Variants in EHBP1 observed in about 807,000 individuals in gnomAD.
EHBP1 encodes the protein EH domain binding protein 1, also known as EH domain-binding protein 1.
A neutral mutation model predicts 144.0 loss-of-function variants in EHBP1; 55 were observed. The ratio of observed to expected loss-of-function variants is 0.38; its 90% CI spans 0.31 to 0.48. The LOEUF is 0.48. Among genes scored for constraint, EHBP1 ranks in the 20% least tolerant of loss-of-function variants. The pLI, the probability that EHBP1 is intolerant of heterozygous loss-of-function variation, is 0.98. For synonymous variants in EHBP1, 469 were observed against 472.7 expected, an observed-to-expected ratio of 0.99 and a Z score of 0.10; for missense variants, 1,200 against 1,364.2, an observed-to-expected ratio of 0.88 and a Z score of 1.90.
At chr2:63,025,061 T>A (rs2060916639) in intron 19 of EHBP1, among the ~76,000 whole-genome samples, 2 of 151,962 alleles carry the variant, frequency 1.3e-5, no homozygotes, top group African/African-American at 2.4e-5. Flanking sequence ...GCCAACAAAG[T>A]TTGGTTTTAG....
intron 14 of EHBP1, among the ~76,000 whole-genome samples, chr2:62,958,131 T>C (rs2057809739): frequency 6.6e-6 from 1 of 152,124 alleles, no homozygotes. Context: ...GAATGTAAAA[T>C]GGTACAACCA....
rs2057205273 is a variant in EHBP1, at chr2:62,948,644, C to T, written c.1798C>T (p.Leu600Phe). The T allele has an allele frequency of 6.2e-7, 1 of 1,613,834 alleles. No homozygotes were observed. Reference protein sequence around the residue: ...ESEHQTPDDHLSPSTASPYCR... With the variant: ...ESEHQTPDDHFSPSTASPYCR... ...TGAGCATCAAACTCCTGATGATCAC[C>T]TTAGTCCAAGCACAGCCTCCCCTTA... is the stretch of plus-strand genomic sequence containing the variant. The change falls in exon 13 of 23, where the codon CTT (leucine) becomes TTT (phenylalanine). Residue 600 changes from leucine to phenylalanine, a missense_variant. Transcript: ENST00000431489.
chr2:62,833,492 G>A (rs987977346), intron 7 of EHBP1, among the ~76,000 whole-genome samples: 3 of 152,162 alleles, frequency 2.0e-5, no homozygotes, highest in African/African-American at 2.4e-5. Context: ...AGCTTCAAAC[G>A]ACAAGTTAAC....
At chr2:62,943,317 G>A (rs1202381569) in intron 11 of EHBP1, among the ~76,000 whole-genome samples, 9 of 138,768 alleles carry the variant, frequency 6.5e-5, no homozygotes, top group African/African-American at 2.4e-4. Context: ...CAGAGGTTGC[G>A]ATGAGCCAAG....
intron 5 of EHBP1, among the ~76,000 whole-genome samples, chr2:62,818,600 A>G (rs2045623638): frequency 6.6e-6 from 1 of 152,188 alleles, no homozygotes; most frequent in Non-Finnish European, 1.5e-5. Flanking sequence ...TTAACTGCTT[A>G]TATCAGCAAA....
chr2:62,767,907 C>T (rs113323220), intron 4 of EHBP1, among the ~76,000 whole-genome samples: 1 of 149,800 alleles, frequency 6.7e-6, no homozygotes, highest in East Asian at 2.0e-4. Flanking sequence ...AATTAAACAT[C>T]ATGCTCTGGA....
At position 62,993,857 on chromosome 2, in the gene EHBP1, CTT is replaced by C. The variant is rs35278236; in HGVS notation, c.2873-5_2873-4del. The C allele has an allele frequency of 9.3e-6, 12 of 1,290,906 alleles. No individual in the cohort carries two copies. Among genetic ancestry groups the C allele is most frequent in the South Asian group, 3.1e-5 (2 of 63,912 alleles). The allele number at this position is 1,290,906 out of a possible 1,614,324, so 80.0% of individuals were successfully genotyped here. ...TACAATAATTTTACATGTCTTTCCTCTTTTTTTTTTAAGAGATGAAAAGGCAG... is the reference window on the plus strand; with the variant it reads ...TACAATAATTTTACATGTCTTTCCTCTTTTTTTTAAGAGATGAAAAGGCAG... On this transcript the variant is annotated splice_polypyrimidine_tract_variant and intron_variant, in intron 17 of 22. Coordinates refer to ENST00000431489, the MANE Select transcript of EHBP1 (RefSeq NM_001142616.3).
At chr2:62,893,553 A>T (rs1334030107) in intron 10 of EHBP1, among the ~76,000 whole-genome samples, 1 of 152,218 alleles carries the variant, frequency 6.6e-6, no homozygotes, top group Non-Finnish European at 1.5e-5. Context: ...ATTTGCCAAG[A>T]CAAGGGGAAA....
chr2:62,702,876 A>C (rs2034319338), upstream of EHBP1, among the ~76,000 whole-genome samples: 1 of 152,220 alleles, frequency 6.6e-6, no homozygotes, highest in Non-Finnish European at 1.5e-5. Flanking sequence ...TCAACATCCC[A>C]GAAAGGTAGG....
chr2:62,882,028 C>T (rs896941745), intron 10 of EHBP1, among the ~76,000 whole-genome samples: 3 of 152,152 alleles, frequency 2.0e-5, no homozygotes, highest in East Asian at 1.9e-4. Context: ...ATACTCTACT[C>T]GGGTACCTGG....
intron 14 of EHBP1, among the ~76,000 whole-genome samples, chr2:62,961,850 T>C (rs1328729792): frequency 6.6e-6 from 1 of 151,872 alleles, no homozygotes; most frequent in East Asian, 1.9e-4. Context: ...ACCAACATGG[T>C]GAAACCCATC....
At chr2:62,887,193 G>A (rs1353927336) in intron 10 of EHBP1, among the ~76,000 whole-genome samples, 5 of 152,000 alleles carry the variant, frequency 3.3e-5, no homozygotes, top group South Asian at 4.1e-4. Context: ...AAGAAGGAAG[G>A]GACAAAAATA....
chr2:62,955,882 G>A (rs2057670795), intron 14 of EHBP1: 1 of 388,744 alleles, frequency 2.6e-6, no homozygotes. Flanking sequence ...TAAGATCTGG[G>A]AATATAATTT....
rs537652209 is a variant in EHBP1 at position 62,999,667 on chromosome 2, T to C, written c.3103+2901T>C. ...TAGCATGTACCAGTACTTCATTCTTTTTTATGGTTGAATAATATTCTATTG... is the reference window on the plus strand; with the variant it reads ...TAGCATGTACCAGTACTTCATTCTTCTTTATGGTTGAATAATATTCTATTG... On this transcript the variant is annotated intron_variant, in intron 19 of 22. Coordinates refer to ENST00000431489, the MANE Select transcript of EHBP1 (RefSeq NM_001142616.3). 3.9e-5 allele frequency among the ~76,000 whole-genome samples: 6 copies of C among 152,340 alleles called. No homozygotes were observed. The South Asian group carries it at 1.2e-3, about 32-fold the overall frequency.
chr2:62,846,452 G>A (rs2048308108), intron 7 of EHBP1, among the ~76,000 whole-genome samples: 1 of 152,112 alleles, frequency 6.6e-6, no homozygotes, highest in Admixed American at 6.6e-5. Context: ...AAAATTCAAT[G>A]CCAAGTTTCT....
intron 2 of EHBP1, among the ~76,000 whole-genome samples, chr2:62,710,716 C>T (rs185219722): frequency 2.0e-5 from 3 of 152,172 alleles, no homozygotes; most frequent in African/African-American, 7.2e-5. Flanking sequence ...AAGTTTGTGA[C>T]ATTGACCTGT....
At chr2:62,832,796 A>G (rs1206854415) in intron 7 of EHBP1, among the ~76,000 whole-genome samples, 1 of 152,162 alleles carries the variant, frequency 6.6e-6, no homozygotes, top group Non-Finnish European at 1.5e-5. Flanking sequence ...TCCCTGGGAC[A>G]TAACAATGTT....
At chr2:62,909,960 T>C (rs994452889) in intron 10 of EHBP1, among the ~76,000 whole-genome samples, 2 of 152,004 alleles carry the variant, frequency 1.3e-5, no homozygotes, top group African/African-American at 4.8e-5. Context: ...GGCTTCACCA[T>C]GTTGGCCAGG....
intron 5 of EHBP1, among the ~76,000 whole-genome samples, chr2:62,774,506 T>C (rs189243312): frequency 8.5e-5 from 13 of 152,300 alleles, no homozygotes; most frequent in South Asian, 2.1e-4. Flanking sequence ...TGACATAATC[T>C]AATGAGAGAT....
Sources: allele counts gnomAD v4.1 joint callset (sites outside exome capture counted in the v4.1 genomes callset), GRCh38; gene constraint gnomAD v4.1.1; transcripts MANE v1.5; gene names NCBI Gene and HGNC (gene_info 2026-07-23, HGNC 2026-07-21).